SYT9: variants seen among roughly 807,000 people sequenced by gnomAD.
SYT9 encodes the protein synaptotagmin 9.
In SYT9, 22 loss-of-function variants were observed where a neutral mutation model predicts 48.4. The ratio of observed to expected loss-of-function variants is 0.45; its 90% CI spans 0.32 to 0.65. The LOEUF (loss-of-function observed/expected upper bound fraction) is 0.65. Among genes scored for constraint, SYT9 ranks in the 30% least tolerant of loss-of-function variants. The probability of loss-of-function intolerance (pLI) is 0.03; values close to 1 mark genes in which losing one functional copy is unlikely to be tolerated. For synonymous variants in SYT9, 265 were observed against 245.0 expected, an observed-to-expected ratio of 1.08 and a Z score of -0.76; for missense variants, 577 against 622.0, an observed-to-expected ratio of 0.93 and a Z score of 0.77.
chr11:7,241,517 G>C lies in SYT9; in HGVS notation c.49+2601G>C, dbSNP rs566189943. Among the ~76,000 whole-genome samples, 11 of 152,262 alleles carry C rather than the reference G, an allele frequency of 7.2e-5. No individual in the cohort carries two copies. The South Asian group carries it at 8.3e-4, about 12-fold the overall frequency. Reference sequence around the variant, plus strand: ...AAGGAAGGTAACTCTAATGCACATGGATATGAGAAGCTGAAGTGCAGAAGA... The same window carrying C: ...AAGGAAGGTAACTCTAATGCACATGCATATGAGAAGCTGAAGTGCAGAAGA... On this transcript the variant is annotated intron_variant and NMD_transcript_variant, in intron 1 of 8. Transcript: ENST00000524820.
At chr11:7,352,965 TACAC>T (rs1231185769) in intron 3 of SYT9, among the ~76,000 whole-genome samples, 1 of 152,238 alleles carries the variant, frequency 6.6e-6, no homozygotes, top group Admixed American at 6.5e-5. Context: ...GTATGTTTAT[TACAC>T]ACATAATGTT....
chr11:7,294,818 A>G (rs1353277060), intron 1 of SYT9, among the ~76,000 whole-genome samples: 4 of 152,336 alleles, frequency 2.6e-5, no homozygotes, highest in African/African-American at 9.6e-5. Context: ...AAAGGAAGAC[A>G]ATTGCCATCC....
rs565518181 is a variant in SYT9, at chr11:7,286,409, G to C, written c.146-16630G>C. Among the ~76,000 whole-genome samples, 5 of 152,288 alleles carry C rather than the reference G, an allele frequency of 3.3e-5. No homozygotes were observed. The East Asian group carries it at 5.8e-4, about 18-fold the overall frequency. ...TCCTGAGGCTGCACACAGCAGGGGG[G>C]GCCCAGGACCTGGCCCAGGAAACCA... On this transcript the variant is annotated intron_variant, in intron 1 of 6. Transcript: ENST00000318881.
chr11:7,247,957 G>T (rs1180091510), upstream of SYT9, among the ~76,000 whole-genome samples: 2 of 152,054 alleles, frequency 1.3e-5, no homozygotes, highest in East Asian at 3.9e-4. Flanking sequence ...ATGTAGAATT[G>T]TTCCTTGTTC....
intron 3 of SYT9, among the ~76,000 whole-genome samples, chr11:7,367,016 G>A (rs947959639): frequency 2.0e-5 from 3 of 148,282 alleles, no homozygotes; most frequent in Non-Finnish European, 3.0e-5. Context: ...GTATACGAAG[G>A]TATAAAGAAG....
chr11:7,467,875 G>A lies in SYT9; in HGVS notation c.*1075G>A, dbSNP rs536253281. On this transcript the variant is annotated 3_prime_UTR_variant, in exon 7 of 7. Coordinates refer to ENST00000318881, the MANE Select transcript of SYT9 (RefSeq NM_175733.4). ...ATCACTTTCACACCACTTGGGGATGGAAATACCTACAAGAGTGAAGGTCAA... is the reference window on the plus strand; with the variant it reads ...ATCACTTTCACACCACTTGGGGATGAAAATACCTACAAGAGTGAAGGTCAA... 6.0e-6 allele frequency: 1 copy of A among 167,836 alleles called. No homozygotes were observed. Among genetic ancestry groups the A allele is most frequent in the South Asian group, 2.0e-4 (1 of 4,956 alleles). 10.4% of individuals were successfully genotyped at this position (167,836 alleles called of 1,614,324 possible). A position where few individuals can be genotyped will look rare whatever the true frequency, so the allele number is the denominator to read the frequency against.
intron 1 of SYT9, among the ~76,000 whole-genome samples, chr11:7,245,259 G>C (rs1847779252): frequency 6.6e-6 from 1 of 152,164 alleles, no homozygotes; most frequent in African/African-American, 2.4e-5. Flanking sequence ...TGTGTGCCTT[G>C]CTGGGTGGCC....
chr11:7,391,629 G>A (rs950329711), intron 3 of SYT9, among the ~76,000 whole-genome samples: 5 of 150,102 alleles, frequency 3.3e-5, no homozygotes, highest in African/African-American at 9.8e-5. Context: ...GGCCAGGCAT[G>A]GTGGTGCATG....
chr11:7,347,016 C>G (rs115557645), intron 3 of SYT9, among the ~76,000 whole-genome samples: 2 of 152,162 alleles, frequency 1.3e-5, no homozygotes, highest in Non-Finnish European at 1.5e-5. Flanking sequence ...GGCCCCTGTT[C>G]CTGAACAGGG....
At chr11:7,263,999 A>T (rs1848128288) in intron 1 of SYT9, among the ~76,000 whole-genome samples, 1 of 152,098 alleles carries the variant, frequency 6.6e-6, no homozygotes, top group African/African-American at 2.4e-5. Flanking sequence ...TGCTGGAGTG[A>T]TGTGCTGAGT....
intron 3 of SYT9, among the ~76,000 whole-genome samples, chr11:7,336,950 T>C (rs554768212): frequency 1.2e-3 from 184 of 152,282 alleles, no homozygotes; most frequent in African/African-American, 4.2e-3. Context: ...AGTGTGGCCA[T>C]TGTAATATTG....
At chr11:7,288,768 A>T (rs1289611775) in intron 1 of SYT9, among the ~76,000 whole-genome samples, 1 of 152,156 alleles carries the variant, frequency 6.6e-6, no homozygotes, top group African/African-American at 2.4e-5. Flanking sequence ...TTCTGTCCAT[A>T]GACCACTGTC....
intron 3 of SYT9, among the ~76,000 whole-genome samples, chr11:7,359,994 G>A (rs1486163527): frequency 3.3e-5 from 5 of 151,360 alleles, no homozygotes; most frequent in South Asian, 4.2e-4. Flanking sequence ...GGTCTAACAT[G>A]TAAGTCTTTA....
In SYT9 at chr11:7,443,684, A is replaced by C. The variant is rs1461032081; in HGVS notation, c.1467+23049A>C. On this transcript the variant is annotated intron_variant, in intron 6 of 6. Coordinates refer to ENST00000318881, the MANE Select transcript of SYT9 (RefSeq NM_175733.4). ...AGATGCAGATCCTAATGTCCCAGAC[A>C]GGACTGTTGGCAGGTTCCAAGTCAA... Among the ~76,000 whole-genome samples the C allele has an allele frequency of 3.3e-5, 5 of 152,272 alleles. No homozygotes were observed. The South Asian group carries it at 1.0e-3, about 31-fold the overall frequency.
intron 3 of SYT9, among the ~76,000 whole-genome samples, chr11:7,364,601 AAAATT>A (rs1478528207): frequency 6.6e-6 from 1 of 152,186 alleles, no homozygotes; most frequent in Non-Finnish European, 1.5e-5. Context: ...ACTAATTTGA[AAAATT>A]AAAAGAGTAT....
At chr11:7,387,978 C>A (rs540437190) in intron 3 of SYT9, among the ~76,000 whole-genome samples, 1 of 152,168 alleles carries the variant, frequency 6.6e-6, no homozygotes, top group South Asian at 2.1e-4. Context: ...CTTGTAATGG[C>A]CTTTTCAGCT....
At chr11:7,291,325 T>A (rs1244604479) in intron 1 of SYT9, among the ~76,000 whole-genome samples, 1 of 152,202 alleles carries the variant, frequency 6.6e-6, no homozygotes, top group Non-Finnish European at 1.5e-5. Context: ...AGGACATGGT[T>A]TCAGTATTCA....
intron 1 of SYT9, among the ~76,000 whole-genome samples, chr11:7,301,239 A>G (rs544419236): frequency 2.0e-5 from 3 of 152,310 alleles, no homozygotes; most frequent in East Asian, 3.9e-4. Context: ...CAGAGATATA[A>G]TATTGTTTCA....
chr11:7,332,324 C>T (rs183258340), intron 3 of SYT9, among the ~76,000 whole-genome samples: 27 of 152,320 alleles, frequency 1.8e-4, no homozygotes, highest in Admixed American at 1.7e-3. Context: ...ACTTGCCTGT[C>T]ATTTTCAAGA....
Sources: allele counts gnomAD v4.1 joint callset (sites outside exome capture counted in the v4.1 genomes callset), GRCh38; gene constraint gnomAD v4.1.1; transcripts MANE v1.5; gene names NCBI Gene and HGNC (gene_info 2026-07-23, HGNC 2026-07-21).